The following SRP19 variants were observed in gnomAD, a reference collection of about 807,000 sequenced individuals.
SRP19 encodes signal recognition particle 19 kDa protein.
Under a neutral mutation model 22.4 loss-of-function variants are expected in SRP19, and 11 were observed. The observed-to-expected ratio is 0.49, with a 90% CI of 0.31 to 0.81. The LOEUF (loss-of-function observed/expected upper bound fraction) is 0.81. Among genes scored for constraint, SRP19 ranks in the 40% least tolerant of loss-of-function variants. SRP19 has a pLI of 0.05. For missense variants in SRP19, 168 were observed against 175.9 expected (o/e 0.96, Z 0.25); for synonymous variants, 61 against 57.6 (o/e 1.06, Z -0.27).
chr5:112,872,127 A>C (rs1767773421), downstream of SRP19, among the ~76,000 whole-genome samples: 1 of 152,146 alleles, frequency 6.6e-6, no homozygotes, highest in Non-Finnish European at 1.5e-5. Context: ...GCCTACCAAT[A>C]TATTTCATAA....
At position 112,878,844 on chromosome 5, in the gene SRP19, T is replaced by G. The variant is rs772772904; in HGVS notation, c.302-12759T>G. The stretch of plus-strand genomic sequence containing the variant: ...CACGGTAGCTTTCTTCGCTGTTTGT[T>G]TGTTAGGAGGGAAAGAAAAATATAT... On this transcript the variant is annotated intron_variant, in intron 4 of 4. Transcript: ENST00000391338. 2.5e-6 allele frequency: 4 copies of G among 1,614,000 alleles called. No individual in the cohort carries two copies. The Admixed American group carries it at 6.7e-5, about 27-fold the overall frequency.
chr5:112,870,017 ATATAC>A (rs916723709), downstream of SRP19, among the ~76,000 whole-genome samples: 2 of 152,186 alleles, frequency 1.3e-5, no homozygotes, highest in African/African-American at 2.4e-5. Context: ...AATTATAATA[ATATAC>A]TATAATAAAA....
At chr5:112,876,803 A>G (rs1409179309) in intron 4 of SRP19, 2 of 152,086 alleles carry the variant, frequency 1.3e-5, no homozygotes, top group African/African-American at 4.8e-5. Flanking sequence ...GCAACAGTTA[A>G]CTTAAATTTT....
chr5:112,879,431 T>C lies in SRP19; in HGVS notation c.302-12172T>C, dbSNP rs114900508. ...AAGCCCTTAAATAGAATGGCATACA[T>C]AGTATTTCCATATAACCTATGTGCT... On this transcript the variant is annotated intron_variant, in intron 4 of 4. Coordinates refer to the SRP19 transcript ENST00000391338. Among the ~76,000 whole-genome samples, 474 of 152,226 alleles carry C rather than the reference T, an allele frequency of 3.1e-3. 4 individuals carry two copies. The highest frequency in any genetic ancestry group is 0.011 in the African/African-American group (459 of 41,548).
intron 4 of SRP19, among the ~76,000 whole-genome samples, chr5:112,883,019 G>C (rs1047792474): frequency 6.6e-6 from 1 of 152,154 alleles, no homozygotes; most frequent in Non-Finnish European, 1.5e-5. Flanking sequence ...ATCCTTCACT[G>C]GTCAAGGACA....
chr5:112,866,349 C>T (rs1767605849), intron 4 of SRP19, among the ~76,000 whole-genome samples: 1 of 152,110 alleles, frequency 6.6e-6, no homozygotes, highest in Non-Finnish European at 1.5e-5. Context: ...CTCTCGACCT[C>T]AGGTGATCCG....
Position 112,869,743 on chromosome 5 carries a change from T to G in SRP19, c.*2206T>G, listed in dbSNP as rs561050257. On this transcript the variant is annotated 3_prime_UTR_variant, in exon 5 of 5. Transcript: ENST00000505459. ...GTGACTCTCAGGAGATCTGTTGGTT[T>G]TATAAGTGCCTGGCGTTTCCCCTGC... is the stretch of plus-strand genomic sequence containing the variant. 1 of 152,294 alleles carries G rather than the reference T, an allele frequency of 6.6e-6. No homozygotes were observed. Among genetic ancestry groups the G allele is most frequent in the African/African-American group, 2.4e-5 (1 of 41,550 alleles). The allele number at this position is 152,294 out of a possible 1,614,324, so 9.4% of individuals were successfully genotyped here. A position where few individuals can be genotyped will look rare whatever the true frequency, so the allele number is the denominator to read the frequency against.
Position 112,867,716 on chromosome 5 carries a change from C to A in SRP19, c.*179C>A. The A allele has an allele frequency of 7.4e-7, 1 of 1,346,558 alleles. No individual in the cohort carries two copies. The highest frequency in any genetic ancestry group is 2.8e-4 in the Middle Eastern group (1 of 3,604). 83.4% of individuals were successfully genotyped at this position (1,346,558 alleles called of 1,614,324 possible). A position where few individuals can be genotyped will look rare whatever the true frequency, so the allele number is the denominator to read the frequency against. On this transcript the variant is annotated 3_prime_UTR_variant, in exon 5 of 5. Coordinates refer to ENST00000505459, the MANE Select transcript of SRP19 (RefSeq NM_003135.3). The stretch of plus-strand genomic sequence containing the variant: ...GAAACAAATTTACATCAGAAGTTTG[C>A]ATCTCGCGTATATGCCGTATAAAAG...
chr5:112,882,383 C>T (rs1349518972), intron 4 of SRP19, among the ~76,000 whole-genome samples: 1 of 152,184 alleles, frequency 6.6e-6, no homozygotes, highest in Non-Finnish European at 1.5e-5. Context: ...ACCACCACTT[C>T]CCACCTTACT....
At chr5:112,871,119 G>C (rs460301), downstream of SRP19, among the ~76,000 whole-genome samples, 1 of 151,828 alleles carries the variant, frequency 6.6e-6, no homozygotes, top group Non-Finnish European at 1.5e-5. Flanking sequence ...ATTTCTATTC[G>C]TTTTTTAAGA....
chr5:112,874,807 G>A (rs921662855), intron 4 of SRP19, among the ~76,000 whole-genome samples: 21 of 143,864 alleles, frequency 1.5e-4, no homozygotes, highest in Non-Finnish European at 2.8e-4. Context: ...ACGGAGTTTC[G>A]CTCGTCTCCC....
chr5:112,891,511 C>A, intron 4 of SRP19: 1 of 1,303,922 alleles, frequency 7.7e-7, no homozygotes. Flanking sequence ...TATAAGTATG[C>A]AAACAAAACA....
intron 2 of SRP19, 37 bp from the exon 3 acceptor site, chr5:112,864,420 G>A (rs755667992): frequency 6.4e-7 from 1 of 1,560,890 alleles, no homozygotes. Flanking sequence ...TCCACTTAAA[G>A]CACATATATT....
chr5:112,892,065 G>A (rs761771394), exon 5 of SRP19: 1 of 1,575,654 alleles, frequency 6.3e-7, no homozygotes. Context: ...AAGCTGTGCA[G>A]AAGATGCTGG....
chr5:112,878,066 C>G (rs1767952732), intron 4 of SRP19: 1 of 142,912 alleles, frequency 7.0e-6, no homozygotes, highest in Admixed American at 7.2e-5. Flanking sequence ...AACTAACTAA[C>G]TGCTTTATAA....
Position 112,893,044 on chromosome 5 carries a change from A to G in SRP19, c.*1437A>G, listed in dbSNP as rs767888835. On this transcript the variant is annotated 3_prime_UTR_variant, in exon 5 of 5. Transcript: ENST00000391338. ...TCGTGGGAGGAGGAAGTCGGGTAAT[A>G]GAGACAGAACTGTTCAGAGTCCCCA... 27 of 1,449,042 alleles carry G rather than the reference A, an allele frequency of 1.9e-5. No individual in the cohort carries two copies. The Middle Eastern group carries it at 6.3e-4, about 34-fold the overall frequency. The allele number at this position is 1,449,042 out of a possible 1,614,324, so 89.8% of individuals were successfully genotyped here. A position where few individuals can be genotyped will look rare whatever the true frequency, so the allele number is the denominator to read the frequency against.
chr5:112,880,071 G>A (rs2150033135), intron 4 of SRP19, among the ~76,000 whole-genome samples: 1 of 152,198 alleles, frequency 6.6e-6, no homozygotes, highest in East Asian at 1.9e-4. Context: ...GATGAGAAGA[G>A]TTTGCTCTAA....
chr5:112,892,167 T>G (rs61995948), exon 5 of SRP19: 3 of 1,614,090 alleles, frequency 1.9e-6, no homozygotes, highest in Non-Finnish European at 2.5e-6. Flanking sequence ...ATCGAGCTAA[T>G]TGTCCCTTCT....
intron 4 of SRP19, chr5:112,877,842 T>TTA (rs1767944375): frequency 1.3e-5 from 2 of 152,190 alleles, no homozygotes; most frequent in Non-Finnish European, 2.9e-5. Flanking sequence ...GAAGACTAAA[T>TTA]CAACATGTTT....
Sources: allele counts gnomAD v4.1 joint callset (sites outside exome capture counted in the v4.1 genomes callset), GRCh38; gene constraint gnomAD v4.1.1; transcripts MANE v1.5; gene names NCBI Gene and HGNC (gene_info 2026-07-23, HGNC 2026-07-21).